ABCG2: variants seen among roughly 807,000 people sequenced by gnomAD.
ABCG2 encodes the protein ATP binding cassette subfamily G member 2 (JR blood group).
Under a neutral mutation model 73.5 loss-of-function variants are expected in ABCG2, and 80 were observed. The ratio of observed to expected loss-of-function variants is 1.09; its 90% CI spans 0.91 to 1.31. The LOEUF is 1.31. Ranked by LOEUF, ABCG2 falls within the 50% of genes most tolerant of loss-of-function variation. The pLI is 0.00. For synonymous variants in ABCG2, 269 were observed against 282.4 expected (o/e 0.95, Z 0.48); for missense variants, 796 against 786.2 (o/e 1.01, Z -0.15).
At chr4:88,206,088 C>A (rs551413288) in intron 1 of ABCG2, among the ~76,000 whole-genome samples, 1 of 152,308 alleles carries the variant, frequency 6.6e-6, no homozygotes, top group Non-Finnish European at 1.5e-5. Context: ...CCAGTATAAT[C>A]TTTATTCTAG....
chr4:88,120,898 T>C (rs1203653564), intron 6 of ABCG2, among the ~76,000 whole-genome samples: 3 of 152,098 alleles, frequency 2.0e-5, no homozygotes, highest in African/African-American at 7.2e-5. Flanking sequence ...ATGATATGTG[T>C]CCCCACCCAA....
At chr4:88,106,590 T>G (rs934967631) in intron 10 of ABCG2, among the ~76,000 whole-genome samples, 4 of 152,186 alleles carry the variant, frequency 2.6e-5, no homozygotes, top group African/African-American at 9.7e-5. Context: ...GTAGAATGAT[T>G]GCTGCCAGGG....
intron 1 of ABCG2, among the ~76,000 whole-genome samples, chr4:88,216,576 C>T (rs556769942): frequency 6.6e-6 from 1 of 152,254 alleles, no homozygotes; most frequent in East Asian, 1.9e-4. Flanking sequence ...GCTGAATGTC[C>T]CGTTGACCAA....
chr4:88,160,268 GT>G (rs1238951249), upstream of ABCG2, among the ~76,000 whole-genome samples: 3 of 151,140 alleles, frequency 2.0e-5, no homozygotes, highest in African/African-American at 7.3e-5. Flanking sequence ...TTAAGATAAA[GT>G]TTTCAGACCT....
chr4:88,174,061 T>A (rs760469133), intron 1 of ABCG2, among the ~76,000 whole-genome samples: 1 of 152,150 alleles, frequency 6.6e-6, no homozygotes, highest in Non-Finnish European at 1.5e-5. Flanking sequence ...TACCTCAGAA[T>A]GTGACTGTAT....
intron 1 of ABCG2, among the ~76,000 whole-genome samples, chr4:88,223,290 G>A (rs1450134010): frequency 2.6e-5 from 4 of 152,136 alleles, no homozygotes; most frequent in African/African-American, 7.2e-5. Context: ...AGGGTCAGGT[G>A]AGGAATCATA....
At chr4:88,136,185 G>A (rs528080517) in intron 2 of ABCG2, among the ~76,000 whole-genome samples, 3 of 152,254 alleles carry the variant, frequency 2.0e-5, no homozygotes, top group South Asian at 4.2e-4. Flanking sequence ...GGCCAGATCT[G>A]TATGCACCTG....
intron 5 of ABCG2, among the ~76,000 whole-genome samples, chr4:88,124,379 AAG>A (rs1724234318): frequency 6.6e-6 from 1 of 152,162 alleles, no homozygotes; most frequent in Non-Finnish European, 1.5e-5. Context: ...AAATTGGATA[AAG>A]AGTCAAGACC....
At chr4:88,219,652 G>C (rs1252290827) in intron 1 of ABCG2, among the ~76,000 whole-genome samples, 4 of 124,676 alleles carry the variant, frequency 3.2e-5, no homozygotes, top group Non-Finnish European at 4.7e-5. Flanking sequence ...CGCGATCTCC[G>C]CTCACTGCAA....
In ABCG2 at chr4:88,115,033, G is replaced by A. The variant is rs774397302; in HGVS notation, c.867C>T (p.Asn289=). 1.2e-6 allele frequency: 2 copies of A among 1,612,540 alleles called. No homozygotes were observed. Among genetic ancestry groups the A allele is most frequent in the South Asian group, 1.1e-5 (1 of 90,978 alleles). ...SAGYHCEAYN[N]PADFFLDIIN... ...TGATGTCCAAGAAGAAGTCTGCAGG[G>A]TTATTATAGGCCTCACAGTGATAAC... Residue 289 remains asparagine (N), a synonymous_variant, in exon 8 of 16, where the codon AAC becomes AAT. Transcript: ENST00000237612.
intron 1 of ABCG2, among the ~76,000 whole-genome samples, chr4:88,227,948 C>T (rs1730291161): frequency 6.6e-6 from 1 of 152,048 alleles, no homozygotes; most frequent in South Asian, 2.1e-4. Context: ...TCCCAGCACA[C>T]CCACAGACCA....
intron 1 of ABCG2, among the ~76,000 whole-genome samples, chr4:88,141,874 T>G (rs558864355): frequency 3.4e-4 from 52 of 152,036 alleles, no homozygotes; most frequent in African/African-American, 1.2e-3. Context: ...AACAAAAGAT[T>G]GATGTGTTTA....
chr4:88,223,596 C>A (rs551474501), intron 1 of ABCG2: 1 of 152,244 alleles, frequency 6.6e-6, no homozygotes, highest in Non-Finnish European at 1.5e-5. Flanking sequence ...GTCAATTAAA[C>A]CTCTTTCTTT....
At chr4:88,137,755 A>C (rs935315537) in intron 2 of ABCG2, among the ~76,000 whole-genome samples, 17 of 152,326 alleles carry the variant, frequency 1.1e-4, no homozygotes, top group Non-Finnish European at 1.3e-4. Context: ...GTTCAGAAAA[A>C]ACAGTAATGA....
intron 10 of ABCG2, among the ~76,000 whole-genome samples, chr4:88,104,862 C>G (rs1722672345): frequency 6.6e-6 from 1 of 152,144 alleles, no homozygotes; most frequent in Non-Finnish European, 1.5e-5. Context: ...TAAAGTTCTT[C>G]TTTATTTCTC....
upstream of ABCG2, chr4:88,158,810 C>A (rs956211768): frequency 2.1e-5 from 7 of 335,090 alleles, no homozygotes; most frequent in African/African-American, 1.6e-4. Flanking sequence ...CGGCGGGTGG[C>A]CGCCTGGGGA....
At chr4:88,230,294 T>C (rs1335125631) in intron 1 of ABCG2, among the ~76,000 whole-genome samples, 1 of 5,096 alleles carries the variant, frequency 2.0e-4, no homozygotes, top group Non-Finnish European at 4.0e-4. Context: ...GCACCTGTTA[T>C]ATATATATAT....
chr4:88,205,972 C>T (rs896190084), intron 1 of ABCG2, among the ~76,000 whole-genome samples: 2 of 152,136 alleles, frequency 1.3e-5, no homozygotes, highest in Non-Finnish European at 2.9e-5. Flanking sequence ...TGAGCCACCA[C>T]GCCCAGCCAC....
At chr4:88,216,199 C>A (rs181914331) in intron 1 of ABCG2, among the ~76,000 whole-genome samples, 1 of 152,280 alleles carries the variant, frequency 6.6e-6, no homozygotes, top group East Asian at 1.9e-4. Context: ...ATGCTTAAGG[C>A]ACAAAGATCT....
Sources: allele counts gnomAD v4.1 joint callset (sites outside exome capture counted in the v4.1 genomes callset), GRCh38; gene constraint gnomAD v4.1.1; transcripts MANE v1.5; gene names NCBI Gene and HGNC (gene_info 2026-07-23, HGNC 2026-07-21).